BCAR3: variants seen among roughly 807,000 people sequenced by gnomAD.
BCAR3 encodes BCAR3 adaptor protein, NSP family member.
A neutral mutation model predicts 80.1 loss-of-function variants in BCAR3; 37 were observed. The ratio of observed to expected loss-of-function variants is 0.46; its 90% CI spans 0.36 to 0.61. The LOEUF is 0.61. BCAR3 is among the 20% of genes least tolerant of loss of function. The pLI is 0.00. For synonymous variants in BCAR3, 389 were observed against 418.9 expected (o/e 0.93, Z 0.87); for missense variants, 978 against 1,068.2 (o/e 0.92, Z 1.18).
chr1:93,758,469 C>T (rs1651821222), intron 2 of BCAR3, among the ~76,000 whole-genome samples: 1 of 152,202 alleles, frequency 6.6e-6, no homozygotes, highest in South Asian at 2.1e-4. Flanking sequence ...CAGGAGAGTT[C>T]CAGTGCAGAC....
At chr1:93,724,250 T>A (rs1650503857) in intron 2 of BCAR3, among the ~76,000 whole-genome samples, 1 of 152,096 alleles carries the variant, frequency 6.6e-6, no homozygotes, top group African/African-American at 2.4e-5. Context: ...ATGTCCAGCC[T>A]CTCAGGTGGG....
chr1:93,743,222 A>G (rs1651240935), intron 2 of BCAR3, among the ~76,000 whole-genome samples: 1 of 152,232 alleles, frequency 6.6e-6, no homozygotes, highest in South Asian at 2.1e-4. Context: ...ATTTAAAACA[A>G]TTATGCTGTG....
chr1:93,674,485 C>A (rs757140566), intron 2 of BCAR3, 129 bp downstream of exon 2: 22 of 1,026,486 alleles, frequency 2.1e-5, no homozygotes, highest in Non-Finnish European at 3.1e-5. Context: ...CTCCTAACCT[C>A]ATGATCCACC....
At chr1:93,611,933 T>C (rs1347918127) in intron 3 of BCAR3, among the ~76,000 whole-genome samples, 1 of 152,176 alleles carries the variant, frequency 6.6e-6, no homozygotes, top group Non-Finnish European at 1.5e-5. Flanking sequence ...GTATACATGG[T>C]CAAGAATTGG....
intron 2 of BCAR3, among the ~76,000 whole-genome samples, chr1:93,760,760 G>A (rs769530233): frequency 2.6e-5 from 4 of 152,180 alleles, no homozygotes; most frequent in African/African-American, 9.7e-5. Flanking sequence ...AGCAAACATA[G>A]GTGAGCTTTC....
chr1:93,598,676 G>A (rs1023977266), intron 3 of BCAR3, among the ~76,000 whole-genome samples: 1 of 152,140 alleles, frequency 6.6e-6, no homozygotes, highest in Non-Finnish European at 1.5e-5. Context: ...TCTGCTCCCT[G>A]TCCCTCCCAG....
intron 2 of BCAR3, among the ~76,000 whole-genome samples, chr1:93,782,772 C>A (rs1652807287): frequency 6.6e-6 from 1 of 152,046 alleles, no homozygotes; most frequent in Non-Finnish European, 1.5e-5. Context: ...AAATAATGAC[C>A]CTAAATCACA....
In BCAR3 at chr1:93,567,483, A is replaced by G; in HGVS notation, c.2095T>C (p.Cys699Arg). The change falls in exon 11 of 12, where the codon TGT becomes CGT. Residue 699 changes from cysteine to arginine, a missense_variant. By Grantham distance (180) the Cys-to-Arg change is radical. Transcript: ENST00000260502. Reference sequence around the variant, plus strand: ...ACTGATACATTGTTTGGGGGAACACATGTGGACTCTGAAGAATAAGGAGTA... The same window carrying G: ...ACTGATACATTGTTTGGGGGAACACGTGTGGACTCTGAAGAATAAGGAGTA... Reference protein sequence around the residue: ...KLLHEGRESTCVPPNNVSVPL... With the variant: ...KLLHEGRESTRVPPNNVSVPL... 1.9e-6 allele frequency: 3 copies of G among 1,614,192 alleles called. No individual in the cohort carries two copies. In the South Asian group the frequency reaches 3.3e-5, roughly 18 times the overall value.
chr1:93,683,290 A>G (rs1012668793), upstream of BCAR3, among the ~76,000 whole-genome samples: 2 of 152,234 alleles, frequency 1.3e-5, no homozygotes, highest in African/African-American at 4.8e-5. Flanking sequence ...TGATATTTCA[A>G]TGTGATCTAA....
At chr1:93,827,786 GGA>G (rs1190442786) in intron 2 of BCAR3, among the ~76,000 whole-genome samples, 2 of 151,840 alleles carry the variant, frequency 1.3e-5, no homozygotes, top group Non-Finnish European at 2.9e-5. Context: ...AGTATGTAGG[GGA>G]GAGAGAGAGA....
At chr1:93,632,313 C>A (rs1675648174) in intron 3 of BCAR3, among the ~76,000 whole-genome samples, 1 of 152,162 alleles carries the variant, frequency 6.6e-6, no homozygotes, top group South Asian at 2.1e-4. Flanking sequence ...CTTTTGAGGC[C>A]ATAGTGTCAC....
chr1:93,815,007 A>G (rs1653967384), intron 2 of BCAR3, among the ~76,000 whole-genome samples: 1 of 152,136 alleles, frequency 6.6e-6, no homozygotes, highest in African/African-American at 2.4e-5. Context: ...CCTACTTTTA[A>G]TAACTATTTA....
chr1:93,839,023 C>G (rs760130367), intron 2 of BCAR3, among the ~76,000 whole-genome samples: 1 of 152,212 alleles, frequency 6.6e-6, no homozygotes, highest in Non-Finnish European at 1.5e-5. Context: ...CTAAAAAGTG[C>G]CAGGCGTGGT....
chr1:93,591,938 T>G (rs1287986485), intron 4 of BCAR3, among the ~76,000 whole-genome samples: 1 of 152,200 alleles, frequency 6.6e-6, no homozygotes, highest in Non-Finnish European at 1.5e-5. Context: ...AAGAGTTCAA[T>G]TACCTGGGCC....
chr1:93,808,415 A>G (rs1005311421), intron 2 of BCAR3, among the ~76,000 whole-genome samples: 11 of 152,350 alleles, frequency 7.2e-5, no homozygotes, highest in African/African-American at 2.6e-4. Flanking sequence ...TTAAGTGAAA[A>G]GTTGAATAAA....
intron 3 of BCAR3, among the ~76,000 whole-genome samples, chr1:93,616,209 CGG>C (rs1675121897): frequency 6.6e-6 from 1 of 152,082 alleles, no homozygotes; most frequent in South Asian, 2.1e-4. Context: ...TTTGTTCCAC[CGG>C]GATTAAATAA....
Position 93,844,964 on chromosome 1 carries a change from C to T in BCAR3, c.-63+603G>A, listed in dbSNP as rs114917306. The stretch of plus-strand genomic sequence containing the variant: ...AAGCCTGGCTTTCCCACACTGTCTG[C>T]TAACACTGTATCTCTAATATTTTCC... On this transcript the variant is annotated intron_variant, in intron 2 of 13. Transcript: ENST00000370244. Among the ~76,000 whole-genome samples, 493 of 152,234 alleles carry T rather than the reference C, an allele frequency of 3.2e-3. 1 individual carries two copies. Among genetic ancestry groups the T allele is most frequent in the African/African-American group, 0.011 (473 of 41,536 alleles).
chr1:93,607,140 A>G (rs1674794239), intron 3 of BCAR3, among the ~76,000 whole-genome samples: 1 of 152,126 alleles, frequency 6.6e-6, no homozygotes, highest in Non-Finnish European at 1.5e-5. Context: ...CAAATTACCC[A>G]TTGGTACAAT....
intron 3 of BCAR3, among the ~76,000 whole-genome samples, chr1:93,705,166 C>T (rs1166174305): frequency 6.6e-6 from 1 of 152,096 alleles, no homozygotes; most frequent in Non-Finnish European, 1.5e-5. Flanking sequence ...GGTGGGAACC[C>T]AACTTGTGGG....
Sources: allele counts gnomAD v4.1 joint callset (sites outside exome capture counted in the v4.1 genomes callset), GRCh38; gene constraint gnomAD v4.1.1; transcripts MANE v1.5; gene names NCBI Gene and HGNC (gene_info 2026-07-23, HGNC 2026-07-21).